TRPM3: variants seen among roughly 807,000 people sequenced by gnomAD.
TRPM3 encodes the protein long transient receptor potential channel 3.
In TRPM3, 77 loss-of-function variants were observed where a neutral mutation model predicts 181.2. That is an observed-to-expected ratio of 0.42 (90% CI 0.35 to 0.51). The LOEUF (loss-of-function observed/expected upper bound fraction) is 0.51. TRPM3 is among the 20% of genes least tolerant of loss of function. TRPM3 has a pLI of 0.01. For synonymous variants in TRPM3, 745 were observed against 796.4 expected, an observed-to-expected ratio of 0.94 and a Z score of 1.09; for missense variants, 1,759 against 2,196.7, an observed-to-expected ratio of 0.80 and a Z score of 3.98.
At chr9:70,542,321 GAAA>G (rs2043622709) in intron 25 of TRPM3, among the ~76,000 whole-genome samples, 2 of 152,104 alleles carry the variant, frequency 1.3e-5, no homozygotes, top group Non-Finnish European at 2.9e-5. Flanking sequence ...CAGTGACTAA[GAAA>G]AAAAGAGGCA....
rs2096914926 is a variant in TRPM3, at chr9:70,944,568, A to G, written c.178-80057T>C. Reference sequence around the variant, plus strand: ...CCTTTAAGACCTCCTCTCCTACTCAACAAGCCCCCTTCTAGACTTAATGGG... The same window carrying G: ...CCTTTAAGACCTCCTCTCCTACTCAGCAAGCCCCCTTCTAGACTTAATGGG... On this transcript the variant is annotated intron_variant, in intron 1 of 25. Transcript: ENST00000677713. 2.0e-5 allele frequency among the ~76,000 whole-genome samples: 3 copies of G among 152,102 alleles called. No individual in the cohort carries two copies. In the South Asian group the frequency reaches 6.2e-4, roughly 32 times the overall value.
intron 1 of TRPM3, among the ~76,000 whole-genome samples, chr9:71,443,722 T>C (rs542574254): frequency 2.6e-5 from 4 of 152,174 alleles, no homozygotes; most frequent in Non-Finnish European, 5.9e-5. Context: ...AATCTAACTG[T>C]CAAAGTCAAG....
intron 1 of TRPM3, among the ~76,000 whole-genome samples, chr9:71,420,649 G>GAA (rs1565556464): frequency 8.0e-6 from 1 of 125,760 alleles, no homozygotes; most frequent in Non-Finnish European, 1.7e-5. Context: ...GAGAGAGAAA[G>GAA]AGAAAGAAAA....
intron 1 of TRPM3, among the ~76,000 whole-genome samples, chr9:71,262,304 T>C (rs1377349636): frequency 6.6e-6 from 1 of 152,164 alleles, no homozygotes; most frequent in East Asian, 1.9e-4. Flanking sequence ...CCAGGGGCTT[T>C]GTTTACACTG....
At chr9:71,032,104 T>TA (rs2057553518) in intron 1 of TRPM3, among the ~76,000 whole-genome samples, 1 of 94,324 alleles carries the variant, frequency 1.1e-5, no homozygotes, top group African/African-American at 4.1e-5. Flanking sequence ...TATAATATTA[T>TA]ATATATTATA....
At chr9:71,354,153 G>C (rs1229474420) in intron 1 of TRPM3, among the ~76,000 whole-genome samples, 1 of 152,176 alleles carries the variant, frequency 6.6e-6, no homozygotes, top group African/African-American at 2.4e-5. Flanking sequence ...TCTGATGCAT[G>C]AACAGTCTAA....
intron 21 of TRPM3, among the ~76,000 whole-genome samples, chr9:70,596,734 T>C (rs2059110188): frequency 6.7e-6 from 1 of 149,668 alleles, no homozygotes; most frequent in African/African-American, 2.5e-5. Flanking sequence ...AAAAAGAACA[T>C]CTATTGACTA....
chr9:71,033,451 C>T (rs2057792366), intron 1 of TRPM3, among the ~76,000 whole-genome samples: 2 of 152,136 alleles, frequency 1.3e-5, no homozygotes, highest in African/African-American at 2.4e-5. Context: ...TATTTCTGGT[C>T]ACAAAAACAT....
intron 1 of TRPM3, among the ~76,000 whole-genome samples, chr9:71,080,797 C>T (rs2064187331): frequency 6.6e-6 from 1 of 152,122 alleles, no homozygotes; most frequent in South Asian, 2.1e-4. Flanking sequence ...AAGAAAGAAA[C>T]TTTTTTTCCC....
intron 1 of TRPM3, among the ~76,000 whole-genome samples, chr9:71,045,291 C>G (rs2059307789): frequency 6.6e-6 from 1 of 152,026 alleles, no homozygotes; most frequent in Non-Finnish European, 1.5e-5. Flanking sequence ...TCTCAATCCT[C>G]CTTCCATGTC....
chr9:70,875,988 T>C (rs1347539944), intron 1 of TRPM3, among the ~76,000 whole-genome samples: 1 of 151,920 alleles, frequency 6.6e-6, no homozygotes, highest in Non-Finnish European at 1.5e-5. Flanking sequence ...TCCATCTGCA[T>C]AAGTTCAGAA....
At chr9:70,759,142 A>T (rs545423857) in intron 8 of TRPM3, among the ~76,000 whole-genome samples, 1 of 152,206 alleles carries the variant, frequency 6.6e-6, no homozygotes, top group Non-Finnish European at 1.5e-5. Flanking sequence ...CAAGAAAAAA[A>T]CAAACAACCC....
At chr9:71,024,899 G>A (rs2097881063) in intron 1 of TRPM3, among the ~76,000 whole-genome samples, 1 of 151,940 alleles carries the variant, frequency 6.6e-6, no homozygotes, top group African/African-American at 2.4e-5. Context: ...AATTTCTAAA[G>A]CTGTTTGAAA....
chr9:70,646,530 G>A (rs999096440), intron 9 of TRPM3, among the ~76,000 whole-genome samples: 2 of 152,104 alleles, frequency 1.3e-5, no homozygotes, highest in African/African-American at 4.8e-5. Context: ...AGAACACATG[G>A]GCACAGGGAG....
At chr9:71,055,405 TCA>T (rs1253580158) in intron 1 of TRPM3, among the ~76,000 whole-genome samples, 4 of 152,062 alleles carry the variant, frequency 2.6e-5, no homozygotes, top group Admixed American at 6.6e-5. Flanking sequence ...CTTCAAGATT[TCA>T]CACAGAGTTT....
intron 1 of TRPM3, among the ~76,000 whole-genome samples, chr9:71,098,813 T>C (rs2067780496): frequency 6.6e-6 from 1 of 152,122 alleles, no homozygotes; most frequent in African/African-American, 2.4e-5. Flanking sequence ...TGGAGCCCCC[T>C]GGAAATTTCA....
chr9:70,634,473 A>C (rs961213283), intron 12 of TRPM3, among the ~76,000 whole-genome samples: 7 of 152,214 alleles, frequency 4.6e-5, no homozygotes, highest in African/African-American at 7.2e-5. Context: ...ATGAATTAAG[A>C]TGCACTGAAA....
chr9:70,586,548 A>G (rs2057163412), intron 22 of TRPM3, among the ~76,000 whole-genome samples: 1 of 152,226 alleles, frequency 6.6e-6, no homozygotes, highest in South Asian at 2.1e-4. Context: ...TTCCTTAGCA[A>G]TTTGTGAAAA....
intron 1 of TRPM3, among the ~76,000 whole-genome samples, chr9:71,126,980 C>A (rs575239259): frequency 1.4e-4 from 21 of 152,038 alleles, no homozygotes; most frequent in African/African-American, 5.1e-4. Flanking sequence ...GGATACTTAA[C>A]AAGCTCCACT....
Sources: allele counts gnomAD v4.1 joint callset (sites outside exome capture counted in the v4.1 genomes callset), GRCh38; gene constraint gnomAD v4.1.1; transcripts MANE v1.5; gene names NCBI Gene and HGNC (gene_info 2026-07-23, HGNC 2026-07-21).